The following ARHGEF33 variants were observed in gnomAD, a reference collection of about 807,000 sequenced individuals.
The protein encoded by ARHGEF33 is Rho guanine nucleotide exchange factor 33.
Under a neutral mutation model 101.9 loss-of-function variants are expected in ARHGEF33, and 72 were observed. The ratio of observed to expected loss-of-function variants is 0.71; its 90% confidence interval spans 0.58 to 0.86. The LOEUF (loss-of-function observed/expected upper bound fraction) is 0.86, where lower values mean the gene tolerates loss of function less well. Among genes scored for constraint, ARHGEF33 ranks in the 40% least tolerant of loss-of-function variants. The pLI, the probability that ARHGEF33 is intolerant of heterozygous loss-of-function variation, is 0.00. For missense variants in ARHGEF33, 1,169 were observed against 1,111.3 expected, an observed-to-expected ratio of 1.05 and a Z score of -0.74; for synonymous variants, 499 against 442.5, an observed-to-expected ratio of 1.13 and a Z score of -1.60.
chr2:38,938,481 T>C (rs1572760262), intron 9 of ARHGEF33, among the ~76,000 whole-genome samples: 1 of 152,230 alleles, frequency 6.6e-6, no homozygotes. Context: ...CGAGGCTGCA[T>C]TGAGCTATGA....
chr2:38,958,134 G>T lies in ARHGEF33; in HGVS notation c.1471G>T (p.Gly491Trp). 6.4e-7 allele frequency: 1 copy of T among 1,551,944 alleles called. No individual in the cohort carries two copies. ...TAGPEAVRDT[G>W]IHSEELLQPY... is the part of the protein sequence containing the mutation. ...AGGTCCTGAGGCTGTCCGTGACACT[G>T]GGATCCACTCAGAAGAGTTGCTGCA... The change falls in exon 15 of 18, where the codon GGG becomes TGG. Residue 491 changes from glycine to tryptophan, a missense_variant. Coordinates refer to ENST00000409978, the MANE Select transcript of ARHGEF33 (RefSeq NM_001145451.5).
chr2:38,966,744 C>G (rs1259426044), intron 17 of ARHGEF33, among the ~76,000 whole-genome samples: 1 of 152,178 alleles, frequency 6.6e-6, no homozygotes, highest in African/African-American at 2.4e-5. Context: ...TTCTGAGATT[C>G]TAAGTCGTTG....
Position 38,929,800 on chromosome 2 carries a change from A to T in ARHGEF33, c.332A>T (p.Lys111Met). ...AAAATCGAGCAGCTTCAACAGGAGA[A>T]GCGAAGAGAATCTCGAAAAGTTAAA... ...QQKIEQLQQE[K>M]RRESRKVKAK... The change falls in exon 6 of 18, where the codon AAG (lysine) becomes ATG (methionine). Residue 111 changes from lysine (K) to methionine (M), a missense_variant. Transcript: ENST00000409978. 1 of 1,551,694 alleles carries T rather than the reference A, an allele frequency of 6.4e-7. No homozygotes were observed. The highest frequency in any genetic ancestry group is 8.7e-7 in the Non-Finnish European group (1 of 1,146,890).
intron 2 of ARHGEF33, among the ~76,000 whole-genome samples, chr2:38,912,109 C>T: frequency 6.6e-6 from 1 of 152,196 alleles, no homozygotes; most frequent in Non-Finnish European, 1.5e-5. Context: ...CCAACAGGCT[C>T]ACTTAACATT....
intron 9 of ARHGEF33, among the ~76,000 whole-genome samples, chr2:38,941,410 T>C (rs1667303795): frequency 6.6e-6 from 1 of 152,230 alleles, no homozygotes; most frequent in South Asian, 2.1e-4. Flanking sequence ...AGTTGATTAA[T>C]AATTTGGCCA....
Position 38,954,362 on chromosome 2 carries a change from C to T in ARHGEF33, c.1138-11C>T. On this transcript the variant is annotated splice_polypyrimidine_tract_variant and intron_variant, in intron 12 of 17. Coordinates refer to ENST00000409978, the MANE Select transcript of ARHGEF33 (RefSeq NM_001145451.5). The stretch of plus-strand genomic sequence containing the variant: ...AACACTGAAGAGTAACTTGACCTTT[C>T]TTTCATTCAGGGTGATGAAGAGATT... 1 of 1,521,138 alleles carries T rather than the reference C, an allele frequency of 6.6e-7. No individual in the cohort carries two copies. Among genetic ancestry groups the T allele is most frequent in the Admixed American group, 2.0e-5 (1 of 50,936 alleles). 94.2% of individuals were successfully genotyped at this position (1,521,138 alleles called of 1,614,324 possible).
At chr2:38,942,733 A>G (rs1042816983) in intron 9 of ARHGEF33, among the ~76,000 whole-genome samples, 2 of 152,160 alleles carry the variant, frequency 1.3e-5, no homozygotes, top group African/African-American at 4.8e-5. Flanking sequence ...CTTATAAAAA[A>G]AATACGTATA....
chr2:38,960,484 A>G lies in ARHGEF33; in HGVS notation c.2179A>G (p.Ser727Gly). 7.1e-7 allele frequency: 1 copy of G among 1,407,660 alleles called. No homozygotes were observed. The highest frequency in any genetic ancestry group is 9.2e-7 in the Non-Finnish European group (1 of 1,083,280). 87.2% of individuals were successfully genotyped at this position (1,407,660 alleles called of 1,614,324 possible). Residue 727 changes from serine to glycine, a missense_variant, in exon 16 of 18, where the codon AGC (serine) becomes GGC (glycine). Ser to Gly is a moderately conservative substitution (Grantham distance 56, BLOSUM62 0). Coordinates refer to ENST00000409978, the MANE Select transcript of ARHGEF33 (RefSeq NM_001145451.5). ...PADGVAPRLY[S>G]TRSSSGGRAP... is the part of the protein sequence containing the mutation. ...CGACGGCGTGGCCCCACGCCTCTAC[A>G]GCACGCGCAGCAGCAGCGGCGGCCG... is the stretch of plus-strand genomic sequence containing the variant.
chr2:38,925,175 G>A (rs1666843942), intron 4 of ARHGEF33, among the ~76,000 whole-genome samples: 1 of 152,084 alleles, frequency 6.6e-6, no homozygotes, highest in Non-Finnish European at 1.5e-5. Flanking sequence ...AAATGTGAGT[G>A]TTAATGGTTA....
chr2:38,924,256 T>C (rs1410383555), intron 4 of ARHGEF33, among the ~76,000 whole-genome samples: 1 of 152,160 alleles, frequency 6.6e-6, no homozygotes, highest in African/African-American at 2.4e-5. Flanking sequence ...ATTAATAATA[T>C]TTAGTTCTGG....
intron 15 of ARHGEF33, chr2:38,959,567 A>G (rs1407326226): frequency 1.1e-5 from 4 of 360,758 alleles, no homozygotes; most frequent in Non-Finnish European, 2.0e-5. Flanking sequence ...GAGGAGGGTC[A>G]GGGCTTCCAC....
chr2:38,946,498 A>T (rs568250431), intron 10 of ARHGEF33, among the ~76,000 whole-genome samples: 1 of 152,338 alleles, frequency 6.6e-6, no homozygotes, highest in South Asian at 2.1e-4. Context: ...AGTACTGAAT[A>T]TGAAGTCTCT....
rs536208533 is a variant in ARHGEF33, at chr2:38,944,716, A to T, written c.920+686A>T. 2.0e-5 allele frequency among the ~76,000 whole-genome samples: 3 copies of T among 152,302 alleles called. No individual in the cohort carries two copies. In the East Asian group the frequency reaches 5.8e-4, roughly 29 times the overall value. On this transcript the variant is annotated intron_variant, in intron 10 of 17. Coordinates refer to ENST00000409978, the MANE Select transcript of ARHGEF33 (RefSeq NM_001145451.5). ...TTGGTCTCTGTTGCCATCTGCATGGAGTCCCCATGGGTCACAGGTCTCTTA... is the reference window on the plus strand; with the variant it reads ...TTGGTCTCTGTTGCCATCTGCATGGTGTCCCCATGGGTCACAGGTCTCTTA...
At chr2:38,921,312 A>C in intron 3 of ARHGEF33, 62 bp from the exon 4 acceptor site, 2 of 1,002,876 alleles carry the variant, frequency 2.0e-6, no homozygotes. Context: ...CCCTGCATGT[A>C]TCTGGAGGGG....
Position 38,951,095 on chromosome 2 carries a change from T to C in ARHGEF33, c.1027T>C (p.Leu343=), listed in dbSNP as rs114922379. ...KWPRQGVLGD[L]FLKLTNDENN... Reference sequence around the variant, plus strand: ...GCCACGCCAAGGCGTTCTTGGAGATTTATTCCTTAAGTTAACAAATGACGA... The same window carrying C: ...GCCACGCCAAGGCGTTCTTGGAGATCTATTCCTTAAGTTAACAAATGACGA... The change falls in exon 11 of 18, where the codon TTA becomes CTA. Residue 343 remains leucine, a synonymous_variant. Transcript: ENST00000409978. 13 of 1,551,864 alleles carry C rather than the reference T, an allele frequency of 8.4e-6. No homozygotes were observed. The highest frequency in any genetic ancestry group is 1.1e-5 in the Non-Finnish European group (13 of 1,146,998).
chr2:38,938,151 A>G (rs1235341378), intron 9 of ARHGEF33, among the ~76,000 whole-genome samples: 1 of 152,164 alleles, frequency 6.6e-6, no homozygotes, highest in African/African-American at 2.4e-5. Context: ...TTTTTCTGGT[A>G]CTTGCTTCCA....
At chr2:38,956,546 C>T (rs1667771040) in intron 13 of ARHGEF33, among the ~76,000 whole-genome samples, 1 of 152,200 alleles carries the variant, frequency 6.6e-6, no homozygotes, top group African/African-American at 2.4e-5. Context: ...CTGACGTTCT[C>T]ATCATTGGTC....
chr2:38,931,090 C>G lies in ARHGEF33; in HGVS notation c.363-19C>G, dbSNP rs1666988987. ...ATATTAAGAACCAGAATAGCCTTGT[C>G]TTTGTTTCTCTTTCCTAGGAAAACT... On this transcript the variant is annotated intron_variant, in intron 6 of 17. Coordinates refer to ENST00000409978, the MANE Select transcript of ARHGEF33 (RefSeq NM_001145451.5). The G allele has an allele frequency of 6.5e-7, 1 of 1,537,082 alleles. No individual in the cohort carries two copies. The highest frequency in any genetic ancestry group is 2.1e-5 in the Admixed American group (1 of 47,126).
chr2:38,960,662 G>T lies in ARHGEF33; in HGVS notation c.2343+14G>T. The T allele has an allele frequency of 7.2e-7, 1 of 1,395,108 alleles. No homozygotes were observed. Among genetic ancestry groups the T allele is most frequent in the Non-Finnish European group, 9.4e-7 (1 of 1,059,060 alleles). The allele number at this position is 1,395,108 out of a possible 1,614,324, so 86.4% of individuals were successfully genotyped here. A position where few individuals can be genotyped will look rare whatever the true frequency, so the allele number is the denominator to read the frequency against. ...GAAGTAAGGAGGGTAAAGTAAAACC[G>T]AACCGAAACCCACAGCGTCGACGGC... On this transcript the variant is annotated intron_variant, in intron 16 of 17. Transcript: ENST00000409978.
Sources: gnomAD v4.1 joint callset for allele counts (sites outside exome capture counted in the v4.1 genomes callset) on GRCh38, gnomAD v4.1.1 for gene constraint, MANE v1.5 for transcripts, NCBI Gene and HGNC (gene_info 2026-07-23, HGNC 2026-07-21) for gene names.